Variants in BMAL2 observed in about 807,000 individuals in gnomAD.
BMAL2 encodes the protein basic helix-loop-helix ARNT-like protein 2.
chr12:27,367,850 A>G, the BMAL2 span, among the ~76,000 whole-genome samples: 2 of 151,714 alleles, frequency 1.3e-5, no homozygotes, highest in Admixed American at 1.3e-4. Context: ...ATATATGTAT[A>G]CACATTTTTT....
chr12:27,334,950 T>A, the BMAL2 span, among the ~76,000 whole-genome samples: 1 of 152,220 alleles, frequency 6.6e-6, no homozygotes, highest in East Asian at 1.9e-4. Flanking sequence ...AGAGTTAAAA[T>A]CCATGGCTGT....
chr12:27,375,076 A>G, the BMAL2 span, among the ~76,000 whole-genome samples: 1 of 152,204 alleles, frequency 6.6e-6, no homozygotes, highest in Non-Finnish European at 1.5e-5. Context: ...TAAAACCTCA[A>G]AAGAGTTCAA....
the BMAL2 span, among the ~76,000 whole-genome samples, chr12:27,379,170 T>A: frequency 6.6e-6 from 1 of 152,182 alleles, no homozygotes; most frequent in Non-Finnish European, 1.5e-5. Flanking sequence ...AGATAAACCC[T>A]ATAGAAGGAA....
chr12:27,373,344 A>T, the BMAL2 span, among the ~76,000 whole-genome samples: 1 of 152,178 alleles, frequency 6.6e-6, no homozygotes, highest in South Asian at 2.1e-4. Context: ...GGCAAAAATG[A>T]TGAGTTCAGT....
At chr12:27,344,454 GA>G in the BMAL2 span, among the ~76,000 whole-genome samples, 2 of 152,178 alleles carry the variant, frequency 1.3e-5, no homozygotes, top group Admixed American at 6.5e-5. Context: ...AATTGCAAGG[GA>G]TTGGTTTATG....
the BMAL2 span, among the ~76,000 whole-genome samples, chr12:27,389,020 C>G: frequency 1.3e-5 from 2 of 152,128 alleles, no homozygotes; most frequent in African/African-American, 4.8e-5. Context: ...AAGTATCACC[C>G]TGCTTTGAAC....
the BMAL2 span, among the ~76,000 whole-genome samples, chr12:27,342,374 C>G: frequency 6.6e-6 from 1 of 152,124 alleles, no homozygotes; most frequent in East Asian, 1.9e-4. Flanking sequence ...TGTTATTGTG[C>G]CAATAGAGTA....
chr12:27,406,468 C>T, the BMAL2 span, among the ~76,000 whole-genome samples: 8 of 152,074 alleles, frequency 5.3e-5, no homozygotes, highest in Non-Finnish European at 1.2e-4. Context: ...AATTTTCAAC[C>T]CAGAAGTTCA....
the BMAL2 span, among the ~76,000 whole-genome samples, chr12:27,404,409 A>G: frequency 2.6e-5 from 4 of 152,162 alleles, no homozygotes; most frequent in African/African-American, 9.7e-5. Flanking sequence ...AAATACAATC[A>G]AATGCACATG....
the BMAL2 span, chr12:27,380,407 G>C: frequency 6.2e-7 from 1 of 1,613,960 alleles, no homozygotes; most frequent in Non-Finnish European, 8.5e-7. Context: ...TTTAAAAGGT[G>C]AGTTTGACGA....
the BMAL2 span, among the ~76,000 whole-genome samples, chr12:27,333,555 A>G: frequency 2.3e-4 from 35 of 152,234 alleles, no homozygotes; most frequent in Non-Finnish European, 1.9e-4. Flanking sequence ...GCAGCCTCGG[A>G]CCTAGCCCGG....
chr12:27,391,949 A>T, the BMAL2 span, among the ~76,000 whole-genome samples: 1 of 152,176 alleles, frequency 6.6e-6, no homozygotes, highest in African/African-American at 2.4e-5. Flanking sequence ...AGAGGTGAAG[A>T]GGCTGTGGAA....
chr12:27,376,320 T>A, the BMAL2 span: 7 of 1,604,508 alleles, frequency 4.4e-6, no homozygotes, highest in Non-Finnish European at 5.1e-6. Context: ...TCATGTAGTT[T>A]GATATTTTAT....
At chr12:27,333,730 C>T in the BMAL2 span, among the ~76,000 whole-genome samples, 3 of 152,318 alleles carry the variant, frequency 2.0e-5, no homozygotes, top group Admixed American at 2.0e-4. Context: ...ACAGGCGGCT[C>T]GTGTCTTTCA....
chr12:27,388,286 A>G, the BMAL2 span, among the ~76,000 whole-genome samples: 4 of 152,204 alleles, frequency 2.6e-5, no homozygotes, highest in East Asian at 7.7e-4. Context: ...TCAGCTTTTC[A>G]GATTCAGAAA....
chr12:27,414,765 G>T, the BMAL2 span, among the ~76,000 whole-genome samples: 2 of 151,960 alleles, frequency 1.3e-5, no homozygotes, highest in Non-Finnish European at 2.9e-5. Context: ...TCAACAGAAG[G>T]AAGGAAATTA....
the BMAL2 span, among the ~76,000 whole-genome samples, chr12:27,355,027 A>G: frequency 3.9e-5 from 6 of 152,320 alleles, no homozygotes; most frequent in Admixed American, 6.5e-5. Context: ...ATGGAAGCCA[A>G]TCACTGTCTT....
chr12:27,376,380 G>T, the BMAL2 span: 3 of 1,613,710 alleles, frequency 1.9e-6, no homozygotes, highest in Admixed American at 5.0e-5. Flanking sequence ...TAAAATGAAG[G>T]CCTTCAGGTA....
chr12:27,368,089 C>A, the BMAL2 span, among the ~76,000 whole-genome samples: 1 of 151,870 alleles, frequency 6.6e-6, no homozygotes, highest in Admixed American at 6.6e-5. Context: ...GTGATCCACC[C>A]GCCTCAGCCT....
Sources: gnomAD v4.1 joint callset for allele counts (sites outside exome capture counted in the v4.1 genomes callset) on GRCh38, gnomAD v4.1.1 for gene constraint, MANE v1.5 for transcripts, NCBI Gene and HGNC (gene_info 2026-07-23, HGNC 2026-07-21) for gene names.